The following TAF11 variants were observed in gnomAD, a reference collection of about 807,000 sequenced individuals.
The protein encoded by TAF11 is TATA-box binding protein associated factor 11.
TAF11 carries 10 observed loss-of-function variants against 23.0 expected under a neutral mutation model. That is an observed-to-expected ratio of 0.43 (90% CI 0.27 to 0.74). TAF11 has a LOEUF of 0.74. TAF11 is among the 30% of genes least tolerant of loss of function. The pLI, the probability that TAF11 is intolerant of heterozygous loss-of-function variation, is 0.19. For missense variants in TAF11, 196 were observed against 261.7 expected (o/e 0.75, Z 1.73); for synonymous variants, 85 against 95.8 (o/e 0.89, Z 0.66).
intron 1 of TAF11, 134 bp downstream of exon 1, chr6:34,887,653 G>T: frequency 8.9e-7 from 1 of 1,126,484 alleles, no homozygotes; most frequent in Non-Finnish European, 1.3e-6. Context: ...TCCCCCTCAA[G>T]ATTAACGATC....
intron 1 of TAF11, among the ~76,000 whole-genome samples, chr6:34,886,004 T>C (rs1318915845): frequency 6.6e-6 from 1 of 152,180 alleles, no homozygotes; most frequent in Non-Finnish European, 1.5e-5. Context: ...GGCACGTGTC[T>C]GTAATCCCAG....
intron 4 of TAF11, chr6:34,879,470 T>G (rs909571754): frequency 1.2e-5 from 12 of 967,906 alleles, no homozygotes; most frequent in Non-Finnish European, 9.8e-6. Flanking sequence ...TGAGACCCTG[T>G]CTCAAAAAAT....
rs1193274845 is a variant in TAF11, at chr6:34,880,524, A to T, written c.321-148T>A. 1.5e-6 allele frequency: 1 copy of T among 663,702 alleles called. No individual in the cohort carries two copies. The highest frequency in any genetic ancestry group is 2.5e-6 in the Non-Finnish European group (1 of 396,332). 41.1% of individuals were successfully genotyped at this position (663,702 alleles called of 1,614,324 possible). ...TGGTGCCTTGAGGAATGAAGATAAA[A>T]CACTTCTACTCCAAAGGAATTTGAG... is the stretch of plus-strand genomic sequence containing the variant. On this transcript the variant is annotated intron_variant, in intron 2 of 4. Coordinates refer to ENST00000361288, the MANE Select transcript of TAF11 (RefSeq NM_005643.4). This position sits in a 1 kb window ranked among gnomAD's most constrained non-coding sequence, Gnocchi z 4.8.
At chr6:34,886,460 C>CTTTCT in intron 1 of TAF11, among the ~76,000 whole-genome samples, 1 of 151,878 alleles carries the variant, frequency 6.6e-6, no homozygotes, top group Non-Finnish European at 1.5e-5. Flanking sequence ...TTTCCTTTTT[C>CTTTCT]TTTCTTTTCT....
In TAF11 at chr6:34,883,043, T is replaced by C. The variant is rs769464223; in HGVS notation, c.209A>G (p.Glu70Gly). The change falls in exon 2 of 5, where the codon GAA becomes GGA. Residue 70 changes from glutamate (E) to glycine (G), a missense_variant. Physicochemically the swap from Glu to Gly is moderately conservative, Grantham distance 98. Coordinates refer to ENST00000361288, the MANE Select transcript of TAF11 (RefSeq NM_005643.4). ...ATTAAGTAATGATGAGTCTTCCCTTTCAACTGTTGTTAAATCTGAGACATC... is the reference window on the plus strand; with the variant it reads ...ATTAAGTAATGATGAGTCTTCCCTTCCAACTGTTGTTAAATCTGAGACATC... ...SQDVSDLTTV[E>G]REDSSLLNPA... The C allele has an allele frequency of 2.5e-6, 4 of 1,610,966 alleles. No homozygotes were observed. Among genetic ancestry groups the C allele is most frequent in the Non-Finnish European group, 3.4e-6 (4 of 1,179,132 alleles).
At chr6:34,878,747 G>A (rs1022739091) in intron 4 of TAF11, 27 bp from the exon 5 acceptor site, 1 of 1,591,554 alleles carries the variant, frequency 6.3e-7, no homozygotes, top group African/African-American at 1.3e-5. Flanking sequence ...GAGAAAGTCT[G>A]ATTATCACAC....
At chr6:34,879,570 T>TA (rs1425565647) in intron 4 of TAF11, 1 of 985,172 alleles carries the variant, frequency 1.0e-6, no homozygotes, top group Non-Finnish European at 1.2e-6. Context: ...CCAGGCTTTT[T>TA]ACTCAATAAA....
intron 2 of TAF11, among the ~76,000 whole-genome samples, chr6:34,882,063 G>C (rs1766441262): frequency 6.6e-6 from 1 of 151,418 alleles, no homozygotes; most frequent in Non-Finnish European, 1.5e-5. Context: ...TTTTTGGCCA[G>C]GCACAGTGGC....
At chr6:34,883,212 T>A (rs556495142) in intron 1 of TAF11, 132 bp from the exon 2 acceptor site, 208 of 851,548 alleles carry the variant, frequency 2.4e-4, no homozygotes, top group Non-Finnish European at 3.3e-4. Flanking sequence ...AGGCACTGAC[T>A]GTACCATCAA....
intron 1 of TAF11, among the ~76,000 whole-genome samples, chr6:34,885,402 T>G (rs1267021992): frequency 6.6e-6 from 1 of 152,232 alleles, no homozygotes; most frequent in African/African-American, 2.4e-5. Context: ...AAAAATAGTT[T>G]AAAATTTCCA....
intron 1 of TAF11, among the ~76,000 whole-genome samples, chr6:34,886,709 A>T (rs909698286): frequency 5.3e-5 from 8 of 151,830 alleles, no homozygotes; most frequent in Non-Finnish European, 1.0e-4. Context: ...CAGGCGATCC[A>T]CCCACCTCGG....
In TAF11 at chr6:34,884,440, G is replaced by C. The variant is rs4646927; in HGVS notation, c.172-1360C>G. 4.8e-3 allele frequency among the ~76,000 whole-genome samples: 731 copies of C among 152,234 alleles called. 9 individuals carry two copies. The highest frequency in any genetic ancestry group is 0.012 in the African/African-American group (491 of 41,534). Reference sequence around the variant, plus strand: ...GTGAAGGGTATATGGAAGGATGAAGGGTGGCAGGAGGGAAAGGATCAGGAA... The same window carrying C: ...GTGAAGGGTATATGGAAGGATGAAGCGTGGCAGGAGGGAAAGGATCAGGAA... On this transcript the variant is annotated intron_variant, in intron 1 of 4. Transcript: ENST00000361288.
Position 34,880,909 on chromosome 6 carries a change from A to AT in TAF11, c.321-534dup. Reference sequence around the variant, plus strand: ...AATCAACATGGGGGAAACAACCTTCATTATTAACTAAGGAAATATTATTTT... The same window carrying AT: ...AATCAACATGGGGGAAACAACCTTCATTTATTAACTAAGGAAATATTATTTT... On this transcript the variant is annotated intron_variant, in intron 2 of 4. Transcript: ENST00000361288. The surrounding 1 kb of genome is among the most constrained non-coding windows in gnomAD (Gnocchi z 4.8). 6.6e-6 allele frequency among the ~76,000 whole-genome samples: 1 copy of AT among 152,230 alleles called. No individual in the cohort carries two copies. The highest frequency in any genetic ancestry group is 1.9e-4 in the East Asian group (1 of 5,204).
chr6:34,884,760 C>A (rs1331925835), intron 1 of TAF11, among the ~76,000 whole-genome samples: 1 of 152,174 alleles, frequency 6.6e-6, no homozygotes, highest in Non-Finnish European at 1.5e-5. Context: ...TGAAGGTAGT[C>A]TATCTTTGAC....
intron 2 of TAF11, among the ~76,000 whole-genome samples, chr6:34,881,363 A>G (rs1766420969): frequency 6.6e-6 from 1 of 152,222 alleles, no homozygotes; most frequent in African/African-American, 2.4e-5. Flanking sequence ...CCCAAACATT[A>G]TACCCAACTA....
At chr6:34,886,548 C>G (rs577980426) in intron 1 of TAF11, among the ~76,000 whole-genome samples, 2 of 151,690 alleles carry the variant, frequency 1.3e-5, no homozygotes, top group Admixed American at 1.3e-4. Flanking sequence ...TCACTGCAAT[C>G]TCCGCCTCCC....
chr6:34,879,242 G>C (rs1017666759), intron 4 of TAF11: 1 of 248,412 alleles, frequency 4.0e-6, no homozygotes, highest in Admixed American at 6.6e-5. Flanking sequence ...AATTAGCCAG[G>C]TATGGTAGTG....
Position 34,882,950 on chromosome 6 carries a change from T to G in TAF11, c.302A>C (p.Asp101Ala), listed in dbSNP as rs1283234389. ...KKEKKQKVDEDEIQKMQILVS... is the reference protein window; with the variant it reads ...KKEKKQKVDEAEIQKMQILVS... ...GACTTACTGCATCTTCTGAATCTCA[T>G]CTTCATCTACTTTCTGCTTTTTCTC... The change falls in exon 2 of 5, where the codon GAT becomes GCT. Residue 101 changes from aspartate to alanine, a missense_variant. Asp to Ala is a moderately radical substitution (Grantham distance 126). Coordinates refer to ENST00000361288, the MANE Select transcript of TAF11 (RefSeq NM_005643.4). The G allele has an allele frequency of 1.9e-6, 3 of 1,606,550 alleles. No homozygotes were observed. Among genetic ancestry groups the G allele is most frequent in the Non-Finnish European group, 2.5e-6 (3 of 1,177,852 alleles).
Position 34,879,663 on chromosome 6 carries a change from T to C in TAF11, c.505+304A>G, listed in dbSNP as rs12192797. On this transcript the variant is annotated intron_variant, in intron 4 of 4. Transcript: ENST00000361288. ...GTCACCCCTGTGATTGCTTTTCTTG[T>C]ATCTTTACTTTTGGCAGCAGAAATG... The C allele has an allele frequency of 5.1e-6, 5 of 985,292 alleles. No homozygotes were observed. The African/African-American group carries it at 7.0e-5, about 14-fold the overall frequency. 61.0% of individuals were successfully genotyped at this position (985,292 alleles called of 1,614,324 possible).
Sources: allele counts gnomAD v4.1 joint callset (sites outside exome capture counted in the v4.1 genomes callset), GRCh38; gene constraint gnomAD v4.1.1; non-coding constraint Gnocchi (gnomAD v3.1); transcripts MANE v1.5; gene names NCBI Gene and HGNC (gene_info 2026-07-23, HGNC 2026-07-21).